Variants in PTCD3 observed in about 807,000 individuals in gnomAD.
The protein encoded by PTCD3 is small ribosomal subunit protein mS39.
PTCD3 carries 89 observed loss-of-function variants against 101.9 expected under a neutral mutation model. The ratio of observed to expected loss-of-function variants is 0.87; its 90% CI spans 0.74 to 1.04. The LOEUF (loss-of-function observed/expected upper bound fraction) is 1.04. Among genes scored for constraint, PTCD3 ranks in the 50% least tolerant of loss-of-function variants. The pLI is 0.00. For synonymous variants in PTCD3, 296 were observed against 278.5 expected, an observed-to-expected ratio of 1.06 and a Z score of -0.63; for missense variants, 870 against 828.2, an observed-to-expected ratio of 1.05 and a Z score of -0.62.
Position 86,137,459 on chromosome 2 carries a change from T to C in PTCD3, c.1980-10T>C, listed in dbSNP as rs201475270. The C allele has an allele frequency of 1.0e-3, 1,678 of 1,613,402 alleles. 16 individuals are homozygous for C. The highest frequency in any genetic ancestry group is 5.0e-4 in the Admixed American group (30 of 59,926). On this transcript the variant is annotated splice_polypyrimidine_tract_variant and intron_variant, in intron 23 of 23. Coordinates refer to ENST00000254630, the MANE Select transcript of PTCD3 (RefSeq NM_017952.6). ...TTGCAGTGTAATCCTCCATTTTCTT[T>C]TCTTAACAGGGAAGCCCTAAGTAAT...
intron 1 of PTCD3, 52 bp from the exon 2 acceptor site, chr2:86,108,298 G>A: frequency 1.9e-6 from 3 of 1,574,054 alleles, no homozygotes; most frequent in African/African-American, 2.7e-5. Context: ...GTGGAGGTGA[G>A]CTGGGTACTT....
chr2:86,132,161 G>T (rs542107052), intron 16 of PTCD3, among the ~76,000 whole-genome samples, 157 bp from the exon 17 acceptor site: 6 of 152,262 alleles, frequency 3.9e-5, no homozygotes, highest in Admixed American at 6.5e-5. Flanking sequence ...CAGAACTTGG[G>T]ATTTGTCTCC....
chr2:86,107,178 C>T (rs1464067915), intron 1 of PTCD3: 2 of 471,210 alleles, frequency 4.2e-6, no homozygotes, highest in South Asian at 1.5e-5. Context: ...TGCTGCCATT[C>T]AATGCCAGTC....
chr2:86,119,169 G>A lies in PTCD3; in HGVS notation c.538+125G>A, dbSNP rs143452233. ...GTACTTACTCTGCTTTGATGGCTGC[G>A]TGCTTTATATTTTTAGTAGTTTATT... On this transcript the variant is annotated intron_variant, in intron 7 of 23. Coordinates refer to ENST00000254630, the MANE Select transcript of PTCD3 (RefSeq NM_017952.6). 3.2e-4 allele frequency: 400 copies of A among 1,254,264 alleles called. 1 individual carries two copies. In the African/African-American group the frequency reaches 4.8e-3, roughly 15 times the overall value. The allele number at this position is 1,254,264 out of a possible 1,614,324, so 77.7% of individuals were successfully genotyped here. A position where few individuals can be genotyped will look rare whatever the true frequency, so the allele number is the denominator to read the frequency against.
chr2:86,132,191 A>C (rs1305346183), intron 16 of PTCD3, 127 bp from the exon 17 acceptor site: 2 of 566,984 alleles, frequency 3.5e-6, no homozygotes, highest in East Asian at 2.9e-5. Flanking sequence ...CTTATAACTT[A>C]CTTGCTGTCA....
chr2:86,134,003 A>G (rs1054743334), intron 19 of PTCD3, among the ~76,000 whole-genome samples: 9 of 152,234 alleles, frequency 5.9e-5, no homozygotes, highest in African/African-American at 2.2e-4. Flanking sequence ...GAGTGATAAA[A>G]GTATATCAAA....
At chr2:86,117,406 A>G (rs1438204149) in intron 6 of PTCD3, among the ~76,000 whole-genome samples, 6 of 149,600 alleles carry the variant, frequency 4.0e-5, no homozygotes, top group Non-Finnish European at 8.9e-5. Context: ...CTTTAATTCT[A>G]TGACTGAAGT....
At chr2:86,111,448 C>T (rs1382354328) in intron 4 of PTCD3, among the ~76,000 whole-genome samples, 17 of 151,942 alleles carry the variant, frequency 1.1e-4, no homozygotes, top group African/African-American at 2.9e-4. Context: ...ATTAGCCAGG[C>T]GTGGTGGCAG....
At chr2:86,108,020 G>A (rs1401735304) in intron 1 of PTCD3, among the ~76,000 whole-genome samples, 1 of 152,060 alleles carries the variant, frequency 6.6e-6, no homozygotes, top group Non-Finnish European at 1.5e-5. Context: ...TAGTTACTCA[G>A]GAGGCTGAAG....
chr2:86,121,369 T>G, intron 7 of PTCD3, 110 bp from the exon 8 acceptor site: 1 of 630,476 alleles, frequency 1.6e-6, no homozygotes, highest in Non-Finnish European at 2.7e-6. Flanking sequence ...ACATTAAGTG[T>G]GTAGCCCTGA....
intron 4 of PTCD3, among the ~76,000 whole-genome samples, chr2:86,114,989 G>C (rs962396560): frequency 2.0e-5 from 3 of 152,188 alleles, no homozygotes; most frequent in African/African-American, 7.2e-5. Flanking sequence ...AGAGTTTTTA[G>C]GGGAGGCTGG....
At chr2:86,109,663 C>T (rs569943762) in intron 3 of PTCD3, among the ~76,000 whole-genome samples, 1 of 152,272 alleles carries the variant, frequency 6.6e-6, no homozygotes, top group African/African-American at 2.4e-5. Context: ...TGGAAATGTG[C>T]GTACCTTACT....
intron 20 of PTCD3, 62 bp downstream of exon 20, chr2:86,134,439 T>G: frequency 7.3e-7 from 1 of 1,367,784 alleles, no homozygotes; most frequent in Non-Finnish European, 1.0e-6. Context: ...AAGGCTAGCT[T>G]CCCTGGTTTT....
intron 9 of PTCD3, among the ~76,000 whole-genome samples, chr2:86,123,990 C>G (rs1369855504): frequency 6.6e-6 from 1 of 151,818 alleles, no homozygotes; most frequent in Non-Finnish European, 1.5e-5. Flanking sequence ...CCTTTTTTTT[C>G]CCTCATCTGT....
At chr2:86,134,491 G>A in intron 20 of PTCD3, 114 bp downstream of exon 20, 2 of 819,254 alleles carry the variant, frequency 2.4e-6, no homozygotes, top group Non-Finnish European at 4.0e-6. Context: ...ACCCATATTT[G>A]AGTGATGATA....
chr2:86,125,504 A>G lies in PTCD3; in HGVS notation c.854A>G (p.Asn285Ser), dbSNP rs758654973. 6.2e-7 allele frequency: 1 copy of G among 1,611,174 alleles called. No individual in the cohort carries two copies. Among genetic ancestry groups the G allele is most frequent in the African/African-American group, 1.3e-5 (1 of 74,964 alleles). ...ALNLYTELLN[N>S]RLHADVYTFN... ...AACTTGTACACTGAGTTACTAAACA[A>G]CAGACTCCATGGTGAGTTTGAGAAC... The change falls in exon 11 of 24, where the codon AAC (asparagine) becomes AGC (serine). Residue 285 changes from asparagine to serine, a missense_variant. Transcript: ENST00000254630.
At chr2:86,121,712 A>G in intron 8 of PTCD3, 118 bp downstream of exon 8, 4 of 588,776 alleles carry the variant, frequency 6.8e-6, no homozygotes, top group Non-Finnish European at 1.2e-5. Context: ...TTGTACTGAG[A>G]TGTGTGGTAC....
Position 86,140,640 on chromosome 2 carries a change from ATGGTAGAG to A in PTCD3, c.*3085_*3092del, listed in dbSNP as rs1381905835. On this transcript the variant is annotated 3_prime_UTR_variant, in exon 24 of 24. Transcript: ENST00000254630. ...ATACAACCATTTAGATTCAACATTAATGGTAGAGTGGCATTTTACCAAAAAAATGGGTG... is the reference window on the plus strand; with the variant it reads ...ATACAACCATTTAGATTCAACATTAATGGCATTTTACCAAAAAAATGGGTG... The A allele has an allele frequency of 6.6e-6, 1 of 152,144 alleles. No individual in the cohort carries two copies. Among genetic ancestry groups the A allele is most frequent in the Non-Finnish European group, 1.5e-5 (1 of 68,036 alleles). 9.4% of individuals were successfully genotyped at this position (152,144 alleles called of 1,614,324 possible).
chr2:86,137,527 G>A lies in PTCD3; in HGVS notation c.2038G>A (p.Asp680Asn). The stretch of plus-strand genomic sequence containing the variant: ...TGACAGTGATACTGACAGCAGCAGT[G>A]ACAGCGACAGTGACACCAGTGAAGG... Reference protein sequence around the residue: ...TSDSDTDSSSDSDSDTSEGK With the variant: ...TSDSDTDSSSNSDSDTSEGK The change falls in exon 24 of 24, where the codon GAC becomes AAC. Residue 680 changes from aspartate to asparagine, a missense_variant. Physicochemically the swap from Asp to Asn is conservative, Grantham distance 23. Transcript: ENST00000254630. 6.2e-7 allele frequency: 1 copy of A among 1,613,958 alleles called. No individual in the cohort carries two copies.
Sources: gnomAD v4.1 joint callset for allele counts (sites outside exome capture counted in the v4.1 genomes callset) on GRCh38, gnomAD v4.1.1 for gene constraint, MANE v1.5 for transcripts, NCBI Gene and HGNC (gene_info 2026-07-23, HGNC 2026-07-21) for gene names.